The following PCDHGA1 variants were observed in gnomAD, a reference collection of about 807,000 sequenced individuals.
PCDHGA1 encodes protocadherin gamma subfamily A, 1.
Under a neutral mutation model 58.0 loss-of-function variants are expected in PCDHGA1, and 32 were observed. The observed-to-expected ratio is 0.55, with a 90% CI of 0.42 to 0.74. The LOEUF is 0.74. Among genes scored for constraint, PCDHGA1 ranks in the 30% least tolerant of loss-of-function variants. PCDHGA1 has a pLI of 0.00. For synonymous variants in PCDHGA1, 498 were observed against 501.1 expected, an observed-to-expected ratio of 0.99 and a Z score of 0.08; for missense variants, 1,205 against 1,182.3, an observed-to-expected ratio of 1.02 and a Z score of -0.28.
chr5:141,454,998 G>C (rs909142112), intron 1 of PCDHGA1, among the ~76,000 whole-genome samples: 27 of 151,220 alleles, frequency 1.8e-4, no homozygotes, highest in African/African-American at 5.8e-4. Context: ...ATTTTTAGTA[G>C]AGACGGGGTT....
intron 1 of PCDHGA1, chr5:141,414,681 G>A: frequency 6.2e-7 from 1 of 1,613,954 alleles, no homozygotes; most frequent in African/African-American, 1.3e-5. Context: ...CCATCCAGGG[G>A]GTACCTCTGT....
chr5:141,425,486 C>T (rs2096878743), intron 1 of PCDHGA1, among the ~76,000 whole-genome samples: 1 of 152,236 alleles, frequency 6.6e-6, no homozygotes, highest in African/African-American at 2.4e-5. Context: ...TGGCAACCTA[C>T]TAGGCTATAC....
intron 1 of PCDHGA1, chr5:141,342,379 T>C (rs1757153633): frequency 2.6e-5 from 4 of 152,206 alleles, no homozygotes; most frequent in Admixed American, 2.6e-4. Flanking sequence ...TTTAGTATGT[T>C]GGTTATGTAT....
intron 1 of PCDHGA1, chr5:141,384,578 C>T: frequency 5.0e-6 from 8 of 1,614,256 alleles, no homozygotes; most frequent in Non-Finnish European, 6.8e-6. Flanking sequence ...GACAACCCGC[C>T]CGAGATCCTG....
At chr5:141,475,892 G>A (rs1279219556) in intron 1 of PCDHGA1, 1 of 568,264 alleles carries the variant, frequency 1.8e-6, no homozygotes, top group Non-Finnish European at 3.1e-6. Context: ...GGGACTCTGT[G>A]TGCCGCTGTC....
chr5:141,426,733 G>A (rs62378459), intron 1 of PCDHGA1: 13,670 of 449,336 alleles, frequency 0.03, 288 homozygotes, highest in Middle Eastern at 0.11. Context: ...CCAGGCATTC[G>A]GTTTGGCCTG....
chr5:141,450,815 A>AT (rs1554136868), intron 1 of PCDHGA1, among the ~76,000 whole-genome samples: 4,329 of 126,688 alleles, frequency 0.034, 70 homozygotes, highest in Middle Eastern at 0.091. Flanking sequence ...TATTTATTTA[A>AT]TATTATTATT....
chr5:141,374,223 A>G (rs761001587), intron 1 of PCDHGA1: 2 of 1,614,020 alleles, frequency 1.2e-6, no homozygotes, highest in South Asian at 2.2e-5. Flanking sequence ...TTCGTAGGCA[A>G]CATCGTCAAG....
In PCDHGA1 at chr5:141,485,580, A is replaced by C. The variant is rs761157560; in HGVS notation, c.2422-9227A>C. The C allele has an allele frequency of 6.2e-7, 1 of 1,612,610 alleles. No homozygotes were observed. The highest frequency in any genetic ancestry group is 2.2e-5 in the East Asian group (1 of 44,850). ...GATCACGCCCCCCGTTTTCCGCGGCAGCAGCTGGACTTGGAAATTGGGGAG... is the reference window on the plus strand; with the variant it reads ...GATCACGCCCCCCGTTTTCCGCGGCCGCAGCTGGACTTGGAAATTGGGGAG... On this transcript the variant is annotated intron_variant, in intron 1 of 3. Transcript: ENST00000517417. The surrounding 1 kb of genome is among the most constrained non-coding windows in gnomAD (Gnocchi z 5.7).
chr5:141,366,333 T>A lies in PCDHGA1; in HGVS notation c.2421+33228T>A, dbSNP rs190728090. ...GTCACCGTTGCCGTGGCCGACAGGA[T>A]CCCTGACATCCTGGCTGACCTAGGC... On this transcript the variant is annotated intron_variant, in intron 1 of 3. Transcript: ENST00000517417. 44 of 1,613,876 alleles carry A rather than the reference T, an allele frequency of 2.7e-5. No homozygotes were observed. The East Asian group carries it at 9.6e-4, about 35-fold the overall frequency.
At chr5:141,376,078 C>T (rs752847017) in intron 1 of PCDHGA1, 7 of 1,613,392 alleles carry the variant, frequency 4.3e-6, no homozygotes, top group South Asian at 3.3e-5. Flanking sequence ...TGGCCGTGGC[C>T]GACAGGATCC....
rs539406412 is a variant in PCDHGA1, at chr5:141,427,895, G to A, written c.2422-66912G>A. ...CGATGCAGGCCCACGACCAGGGCTCGCCCGCGCTCAGCGCCAACATGAGCC... is the reference window on the plus strand; with the variant it reads ...CGATGCAGGCCCACGACCAGGGCTCACCCGCGCTCAGCGCCAACATGAGCC... On this transcript the variant is annotated intron_variant, in intron 1 of 3. Transcript: ENST00000517417. 373 of 1,569,222 alleles carry A rather than the reference G, an allele frequency of 2.4e-4. 2 individuals are homozygous for A. In the South Asian group the frequency reaches 3.9e-3, roughly 17 times the overall value.
intron 1 of PCDHGA1, chr5:141,362,674 AT>A: frequency 8.0e-7 from 1 of 1,246,856 alleles, no homozygotes; most frequent in Non-Finnish European, 1.1e-6. Flanking sequence ...TTGTGCCTTA[AT>A]TGTCTTAATC....
rs548074156 is a variant in PCDHGA1 at position 141,511,069 on chromosome 5, G to A, written c.2692G>A (p.Gly898Ser). The A allele has an allele frequency of 6.2e-7, 1 of 1,614,230 alleles. No individual in the cohort carries two copies. Among genetic ancestry groups the A allele is most frequent in the Non-Finnish European group, 8.5e-7 (1 of 1,180,034 alleles). ...CTACCGCCAGAATGTCTACATCCCA[G>A]GCAGCAATGCCACACTGACCAACGC... ...PDYRQNVYIP[G>S]SNATLTNAAG... The change falls in exon 4 of 4, where the codon GGC becomes AGC. Residue 898 changes from glycine (G) to serine (S), a missense_variant. Physicochemically the swap from Gly to Ser is moderately conservative, Grantham distance 56 (BLOSUM62 0). Transcript: ENST00000517417.
At chr5:141,384,179 G>A (rs1252177053) in intron 1 of PCDHGA1, 1 of 1,613,830 alleles carries the variant, frequency 6.2e-7, no homozygotes, top group Middle Eastern at 1.6e-4. Flanking sequence ...GCCACAGATG[G>A]TGGAACTCCT....
At chr5:141,442,664 G>A (rs1289986124) in intron 1 of PCDHGA1, among the ~76,000 whole-genome samples, 2 of 152,342 alleles carry the variant, frequency 1.3e-5, no homozygotes, top group East Asian at 1.9e-4. Flanking sequence ...TATTTGGCAT[G>A]GTGAGCTTGA....
chr5:141,501,343 C>T (rs1202291965), intron 2 of PCDHGA1, among the ~76,000 whole-genome samples: 1 of 150,430 alleles, frequency 6.6e-6, no homozygotes, highest in Non-Finnish European at 1.5e-5. Context: ...ACCCCAAACT[C>T]AATAGGGCAA....
chr5:141,419,566 C>T (rs765992004), intron 1 of PCDHGA1: 4 of 1,611,790 alleles, frequency 2.5e-6, no homozygotes, highest in East Asian at 2.2e-5. Flanking sequence ...CGCTGGGTCC[C>T]GACGGCTCCG....
chr5:141,344,807 T>C (rs764222927), intron 1 of PCDHGA1: 1 of 1,613,960 alleles, frequency 6.2e-7, no homozygotes, highest in South Asian at 1.1e-5. Context: ...TGCCTGTGGG[T>C]ACCCGGCTGC....
Sources: allele counts gnomAD v4.1 joint callset (sites outside exome capture counted in the v4.1 genomes callset), GRCh38; gene constraint gnomAD v4.1.1; non-coding constraint Gnocchi (gnomAD v3.1); transcripts MANE v1.5; gene names NCBI Gene and HGNC (gene_info 2026-07-23, HGNC 2026-07-21).